CTNNA3: variants seen among roughly 807,000 people sequenced by gnomAD.
CTNNA3 encodes catenin alpha 3.
A neutral mutation model predicts 95.7 loss-of-function variants in CTNNA3; 76 were observed. That is an observed-to-expected ratio of 0.79 (90% CI 0.66 to 0.96). The LOEUF is 0.96. CTNNA3 is among the 40% of genes least tolerant of loss of function. CTNNA3 has a pLI of 0.00. For missense variants in CTNNA3, 1,191 were observed against 1,089.8 expected, an observed-to-expected ratio of 1.09 and a Z score of -1.31; for synonymous variants, 431 against 374.4, an observed-to-expected ratio of 1.15 and a Z score of -1.74.
chr10:67,439,469 G>A (rs1035779037), intron 5 of CTNNA3, among the ~76,000 whole-genome samples: 2 of 152,078 alleles, frequency 1.3e-5, no homozygotes, highest in African/African-American at 4.8e-5. Context: ...AAGAGAGAGA[G>A]GGGGAAGGTG....
intron 13 of CTNNA3, among the ~76,000 whole-genome samples, chr10:66,228,056 T>G (rs961963514): frequency 6.6e-6 from 1 of 152,140 alleles, no homozygotes; most frequent in African/African-American, 2.4e-5. Flanking sequence ...GTCATCTCTC[T>G]TTTTTCTTTG....
chr10:66,035,953 A>G (rs1044774703), intron 15 of CTNNA3, among the ~76,000 whole-genome samples: 3 of 152,148 alleles, frequency 2.0e-5, no homozygotes, highest in African/African-American at 7.2e-5. Context: ...ACTTTTCTTT[A>G]TCTTTTACTT....
At chr10:66,350,054 T>C (rs1431988134) in intron 12 of CTNNA3, among the ~76,000 whole-genome samples, 1 of 152,148 alleles carries the variant, frequency 6.6e-6, no homozygotes, top group Non-Finnish European at 1.5e-5. Flanking sequence ...GATATAAAGT[T>C]ATATCATTCA....
At chr10:67,512,795 G>A (rs1012702519) in intron 5 of CTNNA3, among the ~76,000 whole-genome samples, 2 of 151,732 alleles carry the variant, frequency 1.3e-5, no homozygotes, top group South Asian at 2.1e-4. Flanking sequence ...TACCATCCTG[G>A]CCAACATGGT....
rs1840211242 is a variant in CTNNA3, at chr10:67,662,286, A to C, written c.-5-14768T>G. Among the ~76,000 whole-genome samples, 3 of 152,310 alleles carry C rather than the reference A, an allele frequency of 2.0e-5. No homozygotes were observed. In the South Asian group the frequency reaches 6.2e-4, roughly 32 times the overall value. ...TAACAACAATAACATAATAAAATAG[A>C]ATGATTTTAGCAATATATTGCAATA... On this transcript the variant is annotated intron_variant, in intron 1 of 17. Coordinates refer to ENST00000433211, the MANE Select transcript of CTNNA3 (RefSeq NM_013266.4).
chr10:67,110,036 A>G (rs562064744), intron 7 of CTNNA3, among the ~76,000 whole-genome samples: 314 of 152,242 alleles, frequency 2.1e-3, no homozygotes, highest in African/African-American at 6.9e-3. Flanking sequence ...AGAATTCCCA[A>G]TATATAAAAT....
chr10:66,533,980 G>A (rs1443686927), intron 10 of CTNNA3, among the ~76,000 whole-genome samples: 1 of 151,802 alleles, frequency 6.6e-6, no homozygotes, highest in East Asian at 1.9e-4. Context: ...CAAAAAATAG[G>A]GCCACTACTA....
At chr10:67,437,160 C>G (rs1846330547) in intron 5 of CTNNA3, among the ~76,000 whole-genome samples, 1 of 152,092 alleles carries the variant, frequency 6.6e-6, no homozygotes, top group Non-Finnish European at 1.5e-5. Flanking sequence ...AATAAATTAA[C>G]AGCATTTGCA....
At chr10:66,768,071 T>G (rs919600851) in intron 8 of CTNNA3, among the ~76,000 whole-genome samples, 4 of 152,080 alleles carry the variant, frequency 2.6e-5, no homozygotes, top group African/African-American at 9.7e-5. Flanking sequence ...AGGCGTAAGG[T>G]CACGAATTTA....
chr10:65,965,372 C>T (rs1174174153), intron 17 of CTNNA3, among the ~76,000 whole-genome samples: 1 of 135,336 alleles, frequency 7.4e-6, no homozygotes, highest in African/African-American at 2.8e-5. Context: ...TAGACAGTCA[C>T]TATTTGTTTC....
At chr10:66,634,666 A>G (rs1382958457) in intron 9 of CTNNA3, among the ~76,000 whole-genome samples, 1 of 151,454 alleles carries the variant, frequency 6.6e-6, no homozygotes, top group Non-Finnish European at 1.5e-5. Flanking sequence ...ATGGTCCTAC[A>G]TTTCTTCCTT....
In CTNNA3 at chr10:67,179,505, A is replaced by C. The variant is rs183374164; in HGVS notation, c.1047+812T>G. Among the ~76,000 whole-genome samples the C allele has an allele frequency of 4.4e-4, 66 of 151,568 alleles. 1 individual carries two copies. In the East Asian group the frequency reaches 0.011, roughly 26 times the overall value. Reference sequence around the variant, plus strand: ...GATAGCTAAAACTTCAAAAAAAAAAAAAAAAAAAACTAGACACTGTCACAT... The same window carrying C: ...GATAGCTAAAACTTCAAAAAAAAAACAAAAAAAAACTAGACACTGTCACAT... On this transcript the variant is annotated intron_variant, in intron 7 of 17. Coordinates refer to ENST00000433211, the MANE Select transcript of CTNNA3 (RefSeq NM_013266.4).
At chr10:66,590,649 G>A (rs1843518117) in intron 10 of CTNNA3, among the ~76,000 whole-genome samples, 1 of 151,992 alleles carries the variant, frequency 6.6e-6, no homozygotes, top group African/African-American at 2.4e-5. Flanking sequence ...AATTGCTATG[G>A]CATTTATATT....
intron 7 of CTNNA3, among the ~76,000 whole-genome samples, chr10:67,043,535 G>C (rs1490904725): frequency 6.6e-6 from 1 of 152,050 alleles, no homozygotes; most frequent in African/African-American, 2.4e-5. Context: ...TGATTTCTCT[G>C]CCTAATGTGA....
At chr10:67,683,971 G>A (rs979375481) in intron 1 of CTNNA3, among the ~76,000 whole-genome samples, 10 of 152,222 alleles carry the variant, frequency 6.6e-5, no homozygotes, top group African/African-American at 1.2e-4. Flanking sequence ...AAGGTAATGC[G>A]AACCCAAAGA....
intron 7 of CTNNA3, among the ~76,000 whole-genome samples, chr10:66,994,394 T>C (rs1317287574): frequency 6.6e-6 from 1 of 152,192 alleles, no homozygotes; most frequent in Admixed American, 6.5e-5. Flanking sequence ...TTAGCTCACT[T>C]AATAAATGGA....
At chr10:67,183,065 A>G (rs925743609) in intron 6 of CTNNA3, among the ~76,000 whole-genome samples, 8 of 152,244 alleles carry the variant, frequency 5.3e-5, no homozygotes, top group Middle Eastern at 3.2e-3. Flanking sequence ...ATATGGAGAA[A>G]CAGGAACACT....
intron 7 of CTNNA3, chr10:66,928,140 C>G (rs1021853253): frequency 6.2e-6 from 10 of 1,613,974 alleles, no homozygotes; most frequent in Middle Eastern, 1.6e-4. Flanking sequence ...GCCCAGAGAC[C>G]GATGCTGACG....
At chr10:66,618,005 G>T (rs1469457560) in intron 10 of CTNNA3, among the ~76,000 whole-genome samples, 2 of 151,484 alleles carry the variant, frequency 1.3e-5, no homozygotes, top group Non-Finnish European at 2.9e-5. Context: ...AACTTACAAG[G>T]GACGTGAAGG....
Sources: gnomAD v4.1 joint callset for allele counts (sites outside exome capture counted in the v4.1 genomes callset) on GRCh38, gnomAD v4.1.1 for gene constraint, MANE v1.5 for transcripts, NCBI Gene and HGNC (gene_info 2026-07-23, HGNC 2026-07-21) for gene names.